The following PSMD14 variants were observed in gnomAD, a reference collection of about 807,000 sequenced individuals.
The protein encoded by PSMD14 is ubiquitin C-terminal hydrolase PSMD14.
Under a neutral mutation model 41.2 loss-of-function variants are expected in PSMD14, and 7 were observed. That is an observed-to-expected ratio of 0.17 (90% CI 0.10 to 0.32). The LOEUF is 0.32. Ranked by LOEUF, PSMD14 falls within the 10% of genes least tolerant of loss-of-function variation. The pLI is 1.00. For synonymous variants in PSMD14, 114 were observed against 122.3 expected (o/e 0.93, Z 0.45); for missense variants, 139 against 375.6 (o/e 0.37, Z 5.21).
At chr2:161,351,692 GCTTT>G (rs930611634) in intron 3 of PSMD14, among the ~76,000 whole-genome samples, 12 of 152,294 alleles carry the variant, frequency 7.9e-5, no homozygotes, top group Non-Finnish European at 1.6e-4. Context: ...AAACCAGAAA[GCTTT>G]CTTTTTCACT....
chr2:161,321,315 A>T (rs1239963576), intron 3 of PSMD14, among the ~76,000 whole-genome samples: 1 of 152,164 alleles, frequency 6.6e-6, no homozygotes, highest in Non-Finnish European at 1.5e-5. Flanking sequence ...CCTTAAGGTT[A>T]TTTTATTTCC....
intron 3 of PSMD14, among the ~76,000 whole-genome samples, chr2:161,346,288 T>A (rs979892765): frequency 6.6e-6 from 1 of 152,214 alleles, no homozygotes; most frequent in East Asian, 1.9e-4. Flanking sequence ...GATAAAGTTT[T>A]GTCATGCCTC....
chr2:161,375,065 TG>T (rs1404302189), intron 7 of PSMD14, among the ~76,000 whole-genome samples: 1 of 152,044 alleles, frequency 6.6e-6, no homozygotes. Flanking sequence ...TTATTTAATC[TG>T]ATCAAAACAC....
chr2:161,386,725 T>C (rs1056826486), intron 8 of PSMD14, among the ~76,000 whole-genome samples: 1 of 151,928 alleles, frequency 6.6e-6, no homozygotes, highest in African/African-American at 2.4e-5. Flanking sequence ...TAAACTTCGG[T>C]AGCATCATAC....
At chr2:161,390,958 T>C in intron 8 of PSMD14, 146 bp from the exon 9 acceptor site, 2 of 800,274 alleles carry the variant, frequency 2.5e-6, no homozygotes, top group Non-Finnish European at 3.5e-6. Flanking sequence ...AGAAGAATAC[T>C]TTAATTTCAT....
intron 1 of PSMD14, among the ~76,000 whole-genome samples, chr2:161,312,925 A>G (rs113962719): frequency 6.6e-6 from 1 of 152,238 alleles, no homozygotes; most frequent in Non-Finnish European, 1.5e-5. Context: ...CTATGTGAGG[A>G]AGAAGGATCT....
intron 2 of PSMD14, 100 bp downstream of exon 2, chr2:161,316,669 ATG>A (rs1689151383): frequency 6.6e-6 from 1 of 152,222 alleles, no homozygotes. Context: ...CAAATTATGA[ATG>A]TGATTGATAA....
intron 3 of PSMD14, among the ~76,000 whole-genome samples, chr2:161,333,078 A>G (rs1044240930): frequency 1.3e-5 from 2 of 152,336 alleles, no homozygotes; most frequent in East Asian, 1.9e-4. Flanking sequence ...TGTCTTGTAC[A>G]TTTTTGAAGG....
chr2:161,360,363 ATTGT>A (rs534192578), intron 3 of PSMD14, among the ~76,000 whole-genome samples: 118 of 124,526 alleles, frequency 9.5e-4, no homozygotes, highest in African/African-American at 3.8e-3. Context: ...AGCCTTTCAT[ATTGT>A]TTTTTTTTTT....
At position 161,345,805 on chromosome 2, in the gene PSMD14, T is replaced by TA. The variant is rs530683971; in HGVS notation, c.49-21672dup. Reference sequence around the variant, plus strand: ...CAAAGATATTTATATTTTTTCTGCTTATAATTGTAGATGGCTTTATTTTTT... The same window carrying TA: ...CAAAGATATTTATATTTTTTCTGCTTAATAATTGTAGATGGCTTTATTTTTT... On this transcript the variant is annotated intron_variant, in intron 3 of 11. Coordinates refer to ENST00000409682, the MANE Select transcript of PSMD14 (RefSeq NM_005805.6). Among the ~76,000 whole-genome samples, 228 of 152,356 alleles carry TA rather than the reference T, an allele frequency of 1.5e-3. 1 individual carries two copies. Among genetic ancestry groups the TA allele is most frequent in the African/African-American group, 5.1e-3 (213 of 41,588 alleles).
intron 3 of PSMD14, among the ~76,000 whole-genome samples, chr2:161,319,330 T>C (rs1689177179): frequency 6.6e-6 from 1 of 150,994 alleles, no homozygotes; most frequent in Middle Eastern, 3.4e-3. Context: ...TATAGATGGA[T>C]TAATAAGTAA....
At chr2:161,395,694 A>G (rs1243017263) in intron 10 of PSMD14, among the ~76,000 whole-genome samples, 1 of 152,196 alleles carries the variant, frequency 6.6e-6, no homozygotes, top group African/African-American at 2.4e-5. Flanking sequence ...TATAGATTGC[A>G]ACTCATTAAT....
At chr2:161,316,716 T>C (rs907724941) in intron 2 of PSMD14, 147 bp downstream of exon 2, 1 of 152,248 alleles carries the variant, frequency 6.6e-6, no homozygotes, top group African/African-American at 2.4e-5. Flanking sequence ...TTAGAATATG[T>C]ATCAATATAC....
At chr2:161,387,312 T>C (rs886993426) in intron 8 of PSMD14, among the ~76,000 whole-genome samples, 1 of 151,984 alleles carries the variant, frequency 6.6e-6, no homozygotes, top group African/African-American at 2.4e-5. Context: ...AATGGTAATA[T>C]CTGTAATGGA....
At chr2:161,398,704 C>T (rs1308149944) in intron 10 of PSMD14, among the ~76,000 whole-genome samples, 1 of 151,896 alleles carries the variant, frequency 6.6e-6, no homozygotes, top group Non-Finnish European at 1.5e-5. Context: ...GTTTACTGTT[C>T]AGGTAGAAAT....
intron 5 of PSMD14, among the ~76,000 whole-genome samples, 200 bp downstream of exon 5, chr2:161,368,103 A>G (rs145309797): frequency 1.6e-4 from 24 of 152,240 alleles, no homozygotes; most frequent in African/African-American, 3.1e-4. Flanking sequence ...TAGGTCTACA[A>G]ACTGAATGAT....
At chr2:161,313,280 A>G (rs1689110202) in intron 1 of PSMD14, among the ~76,000 whole-genome samples, 1 of 152,224 alleles carries the variant, frequency 6.6e-6, no homozygotes, top group African/African-American at 2.4e-5. Flanking sequence ...GGATAGTGAA[A>G]AAACAACTGT....
At chr2:161,366,562 G>T (rs1683361618) in intron 3 of PSMD14, among the ~76,000 whole-genome samples, 1 of 152,094 alleles carries the variant, frequency 6.6e-6, no homozygotes, top group South Asian at 2.1e-4. Flanking sequence ...ATTTGTAATA[G>T]AGTTATTGTC....
At chr2:161,318,787 C>T in intron 2 of PSMD14, 35 bp from the exon 3 acceptor site, 1 of 1,567,766 alleles carries the variant, frequency 6.4e-7, no homozygotes, top group East Asian at 2.2e-5. Context: ...CATTTTTGTG[C>T]TTAGGAACGT....
Sources: gnomAD v4.1 joint callset for allele counts (sites outside exome capture counted in the v4.1 genomes callset) on GRCh38, gnomAD v4.1.1 for gene constraint, MANE v1.5 for transcripts, NCBI Gene and HGNC (gene_info 2026-07-23, HGNC 2026-07-21) for gene names.